The following LGR4 variants were observed in gnomAD, a reference collection of about 807,000 sequenced individuals.
The protein encoded by LGR4 is leucine-rich repeat-containing G protein-coupled receptor 4.
In LGR4, 44 loss-of-function variants were observed where a neutral mutation model predicts 84.8. The observed-to-expected ratio is 0.52, with a 90% CI of 0.41 to 0.67. LGR4 has a LOEUF of 0.67. LGR4 is among the 30% of genes least tolerant of loss of function. The pLI is 0.00. For missense variants in LGR4, 1,032 were observed against 1,131.4 expected (o/e 0.91, Z 1.26); for synonymous variants, 429 against 434.3 (o/e 0.99, Z 0.15).
intron 2 of LGR4, among the ~76,000 whole-genome samples, chr11:27,397,780 G>A (rs1863417473): frequency 6.6e-6 from 1 of 152,170 alleles, no homozygotes; most frequent in Admixed American, 6.5e-5. Context: ...GCTGTGTTGT[G>A]CACATGATCA....
In LGR4 at chr11:27,472,270, G is replaced by A. The variant is rs1250901258; in HGVS notation, c.33C>T (p.Leu11=). 8 of 1,266,780 alleles carry A rather than the reference G, an allele frequency of 6.3e-6. No homozygotes were observed. The highest frequency in any genetic ancestry group is 2.7e-5 in the South Asian group (1 of 37,058). The allele number at this position is 1,266,780 out of a possible 1,614,324, so 78.5% of individuals were successfully genotyped here. The change falls in exon 1 of 18, where the codon CTC becomes CTT. Residue 11 remains leucine (L), a synonymous_variant. Coordinates refer to ENST00000379214, the MANE Select transcript of LGR4 (RefSeq NM_018490.5). MPGPLGLLCF[L]ALGLLGSAGP... is the part of the protein sequence containing the mutation. ...CGGCCGAGCCGAGCAGCCCCAGGGC[G>A]AGGAAGCAGAGCAGCCCTAGCGGGC...
chr11:27,373,511 C>T (rs1441736146), intron 15 of LGR4, 40 bp downstream of exon 15: 1 of 1,502,000 alleles, frequency 6.7e-7, no homozygotes, highest in Non-Finnish European at 8.9e-7. Context: ...TTGGAGCCTA[C>T]CATAACTTCA....
Position 27,367,990 on chromosome 11 carries a change from T to C in LGR4, c.2733A>G (p.Glu911=), listed in dbSNP as rs371663644. The C allele has an allele frequency of 6.2e-7, 1 of 1,614,166 alleles. No individual in the cohort carries two copies. The highest frequency in any genetic ancestry group is 8.5e-7 in the Non-Finnish European group (1 of 1,180,006). ...AACTGTCTGAGACAAAGGAATCTTC[T>C]TCATCTGCATAATCAGAGTGGGCCG... ...TQSAHSDYAD[E]EDSFVSDSSD... is the part of the protein sequence containing the mutation. The change falls in exon 18 of 18, where the codon GAA becomes GAG. Residue 911 remains glutamate (E), a synonymous_variant. Coordinates refer to ENST00000379214, the MANE Select transcript of LGR4 (RefSeq NM_018490.5).
intron 1 of LGR4, among the ~76,000 whole-genome samples, chr11:27,432,718 T>C (rs960523206): frequency 6.6e-6 from 1 of 152,124 alleles, no homozygotes; most frequent in Non-Finnish European, 1.5e-5. Context: ...AAATTTAAAC[T>C]CCTCTCCACC....
chr11:27,374,269 G>A (rs1862936248), intron 13 of LGR4, among the ~76,000 whole-genome samples: 1 of 152,148 alleles, frequency 6.6e-6, no homozygotes, highest in African/African-American at 2.4e-5. Flanking sequence ...ATTCTAGCTG[G>A]CATCTGTTTC....
chr11:27,446,269 CAGA>C (rs1313286297), intron 1 of LGR4, among the ~76,000 whole-genome samples: 1 of 152,184 alleles, frequency 6.6e-6, no homozygotes, highest in South Asian at 2.1e-4. Context: ...TTTTGCTGTG[CAGA>C]AGCTCTTTAG....
At chr11:27,409,268 T>C (rs1863667382) in intron 2 of LGR4, among the ~76,000 whole-genome samples, 1 of 151,946 alleles carries the variant, frequency 6.6e-6, no homozygotes. Flanking sequence ...ACTCACAGTG[T>C]TCCAGAAAGA....
chr11:27,391,078 C>T lies in LGR4; in HGVS notation c.401+16G>A, dbSNP rs780850009. 1.3e-6 allele frequency: 2 copies of T among 1,541,362 alleles called. No individual in the cohort carries two copies. The highest frequency in any genetic ancestry group is 2.3e-5 in the South Asian group (2 of 86,168). ...AGTAGTCTCTTGGTGAGTCAAGAAA[C>T]CAAGAAGTTACTTACAAAGACTGCA... On this transcript the variant is annotated intron_variant, in intron 4 of 17. Coordinates refer to ENST00000379214, the MANE Select transcript of LGR4 (RefSeq NM_018490.5).
At chr11:27,402,587 A>T (rs143911272) in intron 2 of LGR4, among the ~76,000 whole-genome samples, 3 of 152,216 alleles carry the variant, frequency 2.0e-5, no homozygotes, top group Non-Finnish European at 4.4e-5. Context: ...CTAAATGATA[A>T]CTACTCTTCT....
intron 1 of LGR4, among the ~76,000 whole-genome samples, chr11:27,440,780 T>G (rs1390839027): frequency 6.6e-6 from 1 of 152,142 alleles, no homozygotes; most frequent in East Asian, 1.9e-4. Flanking sequence ...GGTTCTCAAA[T>G]TGTGCTCTCA....
At position 27,369,015 on chromosome 11, in the gene LGR4, G is replaced by A. The variant is rs1394459138; in HGVS notation, c.1708C>T (p.Leu570=). The A allele has an allele frequency of 1.2e-6, 2 of 1,614,070 alleles. No individual in the cohort carries two copies. The highest frequency in any genetic ancestry group is 1.1e-5 in the South Asian group (1 of 91,076). Residue 570 remains leucine (L), a synonymous_variant, in exon 18 of 18, where the codon CTG becomes TTG. Transcript: ENST00000379214. ...ILTTFASCTS[L]PSSKLFIGLI... is the part of the protein sequence containing the mutation. Reference sequence around the variant, plus strand: ...CCTATAAACAATTTGGACGAAGGCAGTGATGTACAAGATGCAAATGTTGTT... The same window carrying A: ...CCTATAAACAATTTGGACGAAGGCAATGATGTACAAGATGCAAATGTTGTT...
At chr11:27,446,182 A>C (rs1864386764) in intron 1 of LGR4, among the ~76,000 whole-genome samples, 2 of 152,182 alleles carry the variant, frequency 1.3e-5, no homozygotes, top group Non-Finnish European at 2.9e-5. Context: ...TCTGGTTATT[A>C]GCCCTTTGTC....
intron 2 of LGR4, among the ~76,000 whole-genome samples, chr11:27,411,738 TAGTGTGGGA>T (rs1285080160): frequency 1.3e-5 from 2 of 152,120 alleles, no homozygotes; most frequent in Non-Finnish European, 2.9e-5. Flanking sequence ...TTTGACTAAG[TAGTGTGGGA>T]AGAAACATTT....
rs117157980 is a variant in LGR4 at position 27,409,020 on chromosome 11, T to C, written c.257+3769A>G. The stretch of plus-strand genomic sequence containing the variant: ...GCAGGAATCACTAGGTAACACTATT[T>C]ATGAACTATAAAACTTTCAAAAAGT... On this transcript the variant is annotated intron_variant, in intron 2 of 17. Transcript: ENST00000379214. Among the ~76,000 whole-genome samples the C allele has an allele frequency of 7.9e-3, 1,199 of 152,192 alleles. 6 individuals carry two copies. Among genetic ancestry groups the C allele is most frequent in the Non-Finnish European group, 0.013 (886 of 67,992 alleles).
At chr11:27,427,228 T>C (rs1262953278) in intron 1 of LGR4, among the ~76,000 whole-genome samples, 1 of 152,212 alleles carries the variant, frequency 6.6e-6, no homozygotes, top group Non-Finnish European at 1.5e-5. Flanking sequence ...TCACAGCTTT[T>C]CTGGTTGTTG....
At chr11:27,385,639 T>C (rs571601766) in intron 4 of LGR4, 171 bp from the exon 5 acceptor site, 4 of 432,466 alleles carry the variant, frequency 9.2e-6, no homozygotes, top group East Asian at 3.5e-5. Flanking sequence ...CTGTATAGTG[T>C]ATGAAAGTCA....
At chr11:27,391,387 C>T (rs1040874485) in intron 3 of LGR4, among the ~76,000 whole-genome samples, 1 of 151,924 alleles carries the variant, frequency 6.6e-6, no homozygotes, top group Non-Finnish European at 1.5e-5. Context: ...AAGCCATGCC[C>T]TAATACAGAC....
intron 3 of LGR4, 95 bp from the exon 4 acceptor site, chr11:27,391,260 A>G: frequency 1.6e-6 from 1 of 610,476 alleles, no homozygotes; most frequent in Non-Finnish European, 2.9e-6. Flanking sequence ...TTCAAAAAAT[A>G]TTTCCAATGG....
intron 1 of LGR4, among the ~76,000 whole-genome samples, chr11:27,439,957 G>A (rs1864276523): frequency 6.8e-6 from 1 of 146,674 alleles, no homozygotes; most frequent in African/African-American, 2.5e-5. Context: ...TCAGGCAGGA[G>A]TGCAGTGGCA....
Sources: allele counts gnomAD v4.1 joint callset (sites outside exome capture counted in the v4.1 genomes callset), GRCh38; gene constraint gnomAD v4.1.1; transcripts MANE v1.5; gene names NCBI Gene and HGNC (gene_info 2026-07-23, HGNC 2026-07-21).